The following PLXNA2 variants were observed in gnomAD, a reference collection of about 807,000 sequenced individuals.
The protein encoded by PLXNA2 is plexin A2, also known as plexin-A2.
A neutral mutation model predicts 193.5 loss-of-function variants in PLXNA2; 91 were observed. The observed-to-expected ratio is 0.47, with a 90% confidence interval of 0.40 to 0.56. The LOEUF is 0.56. Among genes scored for constraint, PLXNA2 ranks in the 20% least tolerant of loss-of-function variants. The pLI is 0.00. For missense variants in PLXNA2, 1,995 were observed against 2,503.2 expected, an observed-to-expected ratio of 0.80 and a Z score of 4.33; for synonymous variants, 997 against 1,027.3, an observed-to-expected ratio of 0.97 and a Z score of 0.56.
At chr1:208,107,902 C>T (rs1251922537) in intron 4 of PLXNA2, among the ~76,000 whole-genome samples, 1 of 152,030 alleles carries the variant, frequency 6.6e-6, no homozygotes, top group Non-Finnish European at 1.5e-5. Flanking sequence ...TGGATTCCAC[C>T]CTCATGCTTG....
intron 1 of PLXNA2, among the ~76,000 whole-genome samples, chr1:208,229,557 C>T (rs1438063290): frequency 6.6e-6 from 1 of 152,094 alleles, no homozygotes; most frequent in Non-Finnish European, 1.5e-5. Context: ...GACTGATCTT[C>T]AGGAGGTAGT....
chr1:208,112,915 T>C (rs1250379300), intron 4 of PLXNA2, among the ~76,000 whole-genome samples: 1 of 150,412 alleles, frequency 6.6e-6, no homozygotes, highest in Non-Finnish European at 1.5e-5. Flanking sequence ...CATCAAACCA[T>C]ATTTTATCAG....
intron 17 of PLXNA2, among the ~76,000 whole-genome samples, chr1:208,048,796 C>T (rs563602888): frequency 1.3e-5 from 2 of 152,214 alleles, no homozygotes; most frequent in Admixed American, 6.5e-5. Context: ...GTATTAATTA[C>T]GTCTTTTATT....
rs1367561606 is a variant in PLXNA2 at position 208,236,086 on chromosome 1, C to T, written c.-81+7557G>A. ...GCCCTGCTCCTGGAAAACACCACTG[C>T]CCTAAAACGTGGAGTGGAGACCTGG... On this transcript the variant is annotated intron_variant, in intron 1 of 31. Transcript: ENST00000367033. This position sits in a 1 kb window ranked among gnomAD's most constrained non-coding sequence, Gnocchi z 4.4. 6.6e-6 allele frequency among the ~76,000 whole-genome samples: 1 copy of T among 152,132 alleles called. No individual in the cohort carries two copies. Among genetic ancestry groups the T allele is most frequent in the Non-Finnish European group, 1.5e-5 (1 of 68,028 alleles).
chr1:208,244,367 A>G lies in PLXNA2; in HGVS notation c.-805T>C, dbSNP rs544469140. 577 of 181,072 alleles carry G rather than the reference A, an allele frequency of 3.2e-3. 1 individual carries two copies. The highest frequency in any genetic ancestry group is 5.1e-3 in the Non-Finnish European group (466 of 90,610). 11.2% of individuals were successfully genotyped at this position (181,072 alleles called of 1,614,324 possible). ...CCCTGAGCGCCGGCCTCCCTATTTC[A>G]CCATGCAGCTCATTATCATAGAGGC... On this transcript the variant is annotated 5_prime_UTR_variant, in exon 1 of 32. Transcript: ENST00000367033.
chr1:208,104,058 G>T (rs1558193853), intron 4 of PLXNA2, among the ~76,000 whole-genome samples: 1 of 152,184 alleles, frequency 6.6e-6, no homozygotes, highest in Non-Finnish European at 1.5e-5. Context: ...AAGTGTTCCA[G>T]TTGATATGTC....
At chr1:208,144,038 G>A (rs906039778) in intron 3 of PLXNA2, among the ~76,000 whole-genome samples, 1 of 152,188 alleles carries the variant, frequency 6.6e-6, no homozygotes, top group Non-Finnish European at 1.5e-5. Flanking sequence ...CTGAATCAAA[G>A]TGAGGTCAAA....
intron 12 of PLXNA2, among the ~76,000 whole-genome samples, chr1:208,072,557 G>T (rs1666008828): frequency 6.6e-6 from 1 of 152,194 alleles, no homozygotes; most frequent in Admixed American, 6.5e-5. Flanking sequence ...GGTCAGAGCT[G>T]CCAGGCCAGG....
At chr1:208,126,118 T>G (rs1667968916) in intron 4 of PLXNA2, among the ~76,000 whole-genome samples, 1 of 152,228 alleles carries the variant, frequency 6.6e-6, no homozygotes, top group Non-Finnish European at 1.5e-5. Context: ...GGTTAGCAGC[T>G]GAGCCCAGCA....
chr1:208,221,973 C>T (rs1056359773), intron 1 of PLXNA2, among the ~76,000 whole-genome samples: 1 of 152,150 alleles, frequency 6.6e-6, no homozygotes, highest in African/African-American at 2.4e-5. Flanking sequence ...AGGATTATTA[C>T]AATGAAATCA....
intron 9 of PLXNA2, among the ~76,000 whole-genome samples, chr1:208,088,846 C>A (rs773090456): frequency 3.3e-5 from 5 of 152,078 alleles, no homozygotes; most frequent in African/African-American, 1.2e-4. Flanking sequence ...GGTGTGTGTG[C>A]GTGTGAGTGT....
chr1:208,084,686 A>T, intron 9 of PLXNA2, 106 bp from the exon 10 acceptor site: 1 of 1,015,124 alleles, frequency 9.9e-7, no homozygotes, highest in South Asian at 1.6e-5. Flanking sequence ...CAAGAGCAGG[A>T]TATTACCTCA....
intron 14 of PLXNA2, 32 bp downstream of exon 14, chr1:208,054,389 C>A (rs1665358576): frequency 1.4e-6 from 2 of 1,454,670 alleles, no homozygotes; most frequent in African/African-American, 1.4e-5. Context: ...CCTCCCTGGG[C>A]ACCTGCACCT....
At chr1:208,134,710 C>T (rs547175358) in intron 4 of PLXNA2, among the ~76,000 whole-genome samples, 4 of 152,148 alleles carry the variant, frequency 2.6e-5, no homozygotes, top group South Asian at 2.1e-4. Context: ...AGTCCTTGCC[C>T]GCCTTGTAAA....
intron 1 of PLXNA2, among the ~76,000 whole-genome samples, chr1:208,238,061 C>T (rs984430843): frequency 1.3e-5 from 2 of 152,184 alleles, no homozygotes; most frequent in African/African-American, 4.8e-5. Context: ...GAGAGGGAGG[C>T]TGTTTAGACA....
Position 208,026,991 on chromosome 1 carries a change from C to A in PLXNA2, c.*252G>T. 2.5e-6 allele frequency: 1 copy of A among 402,510 alleles called. No individual in the cohort carries two copies. The highest frequency in any genetic ancestry group is 4.5e-6 in the Non-Finnish European group (1 of 220,804). 24.9% of individuals were successfully genotyped at this position (402,510 alleles called of 1,614,324 possible). A position where few individuals can be genotyped will look rare whatever the true frequency, so the allele number is the denominator to read the frequency against. ...GCTCGTGCCTCTCGGCTTGAAGAAC[C>A]ACCTTCTCCCGGCCCCGGGTTCTCT... On this transcript the variant is annotated 3_prime_UTR_variant, in exon 32 of 32. Transcript: ENST00000367033.
intron 3 of PLXNA2, among the ~76,000 whole-genome samples, chr1:208,185,089 C>G (rs1572008884): frequency 6.6e-6 from 1 of 152,230 alleles, no homozygotes; most frequent in Non-Finnish European, 1.5e-5. Context: ...ACACTCTGCT[C>G]TGAACATTAG....
At chr1:208,114,503 G>T (rs139557583) in intron 4 of PLXNA2, among the ~76,000 whole-genome samples, 1 of 152,230 alleles carries the variant, frequency 6.6e-6, no homozygotes, top group Non-Finnish European at 1.5e-5. Context: ...ATAGGTGCCG[G>T]ATCTGAGACC....
chr1:208,042,924 G>T, intron 21 of PLXNA2, 137 bp downstream of exon 21: 1 of 795,810 alleles, frequency 1.3e-6, no homozygotes, highest in Non-Finnish European at 2.0e-6. Context: ...TAGCTCTGTT[G>T]CTGAGATGCT....
Sources: gnomAD v4.1 joint callset for allele counts (sites outside exome capture counted in the v4.1 genomes callset) on GRCh38, gnomAD v4.1.1 for gene constraint, Gnocchi (gnomAD v3.1) non-coding constraint, MANE v1.5 for transcripts, NCBI Gene and HGNC (gene_info 2026-07-23, HGNC 2026-07-21) for gene names.